Variants in MARCHF8 observed in about 807,000 individuals in gnomAD.
The protein encoded by MARCHF8 is membrane associated ring-CH-type finger 8.
MARCHF8 carries 40 observed loss-of-function variants against 51.6 expected under a neutral mutation model. The ratio of observed to expected loss-of-function variants is 0.77; its 90% CI spans 0.60 to 1.01. The LOEUF is 1.01. Ranked by LOEUF, MARCHF8 falls within the 50% of genes least tolerant of loss-of-function variation. The probability of loss-of-function intolerance (pLI) is 0.00; values close to 1 mark genes in which losing one functional copy is unlikely to be tolerated. For missense variants in MARCHF8, 685 were observed against 708.6 expected, an observed-to-expected ratio of 0.97 and a Z score of 0.38; for synonymous variants, 263 against 280.3, an observed-to-expected ratio of 0.94 and a Z score of 0.62.
chr10:45,508,450 A>T (rs1309026365), intron 2 of MARCHF8, among the ~76,000 whole-genome samples: 2 of 152,064 alleles, frequency 1.3e-5, no homozygotes, highest in Non-Finnish European at 2.9e-5. Context: ...TGTCATGATT[A>T]GTTTCTATTT....
At chr10:45,461,136 G>A in intron 6 of MARCHF8, 95 bp downstream of exon 6, 1 of 948,378 alleles carries the variant, frequency 1.1e-6, no homozygotes, top group Non-Finnish European at 1.5e-6. Flanking sequence ...TTAAGGAAAT[G>A]AACGCAGGCA....
In MARCHF8 at chr10:45,518,854, TG is replaced by T. The variant is rs552267890; in HGVS notation, c.102+14255del. On this transcript the variant is annotated intron_variant, in intron 2 of 7. Coordinates refer to ENST00000453424, the MANE Select transcript of MARCHF8 (RefSeq NM_001282866.2). ...GCTACCAGCATCCTATCATTGCTCTTGGCCAGAATGGCTCTAATAAAGCATG... is the reference window on the plus strand; with the variant it reads ...GCTACCAGCATCCTATCATTGCTCTTGCCAGAATGGCTCTAATAAAGCATG... 4.4e-3 allele frequency among the ~76,000 whole-genome samples: 674 copies of T among 152,338 alleles called. 1 individual carries two copies. Among genetic ancestry groups the T allele is most frequent in the Non-Finnish European group, 7.3e-3 (495 of 68,034 alleles).
At chr10:45,577,517 T>C (rs753205097) in intron 1 of MARCHF8, among the ~76,000 whole-genome samples, 5 of 152,026 alleles carry the variant, frequency 3.3e-5, no homozygotes, top group Non-Finnish European at 7.4e-5. Context: ...CCCACAAAAA[T>C]TAAAAATTAA....
intron 2 of MARCHF8, among the ~76,000 whole-genome samples, chr10:45,495,661 T>G (rs1265879075): frequency 1.3e-5 from 2 of 148,874 alleles, no homozygotes; most frequent in Non-Finnish European, 3.0e-5. Flanking sequence ...CTAGGAGGAG[T>G]TTTATGGCCA....
At chr10:45,548,523 T>C (rs530079559) in intron 1 of MARCHF8, among the ~76,000 whole-genome samples, 1 of 152,286 alleles carries the variant, frequency 6.6e-6, no homozygotes, top group East Asian at 1.9e-4. Context: ...ATTTTGCATC[T>C]CAGGGAAATT....
Position 45,455,530 on chromosome 10 carries a change from C to G in MARCHF8, c.*2709G>C, listed in dbSNP as rs1379017217. Reference sequence around the variant, plus strand: ...ACCAAATGCCATCCTTTCACTAAACCCAGGTGCAAAATGGGGGGGGAAGGG... The same window carrying G: ...ACCAAATGCCATCCTTTCACTAAACGCAGGTGCAAAATGGGGGGGGAAGGG... On this transcript the variant is annotated 3_prime_UTR_variant, in exon 8 of 8. Coordinates refer to ENST00000453424, the MANE Select transcript of MARCHF8 (RefSeq NM_001282866.2). 2.0e-5 allele frequency: 3 copies of G among 151,258 alleles called. No individual in the cohort carries two copies. Among genetic ancestry groups the G allele is most frequent in the Admixed American group, 2.0e-4 (3 of 15,180 alleles). 9.4% of individuals were successfully genotyped at this position (151,258 alleles called of 1,614,324 possible). A position where few individuals can be genotyped will look rare whatever the true frequency, so the allele number is the denominator to read the frequency against.
At chr10:45,570,771 G>C (rs1362740653) in intron 1 of MARCHF8, among the ~76,000 whole-genome samples, 1 of 152,138 alleles carries the variant, frequency 6.6e-6, no homozygotes. Flanking sequence ...AAAGTTGCAG[G>C]ATGGCAGGTC....
intron 3 of MARCHF8, among the ~76,000 whole-genome samples, chr10:45,472,049 G>A (rs563389662): frequency 2.5e-4 from 38 of 152,284 alleles, no homozygotes; most frequent in East Asian, 7.7e-4. Context: ...ACCCTGAGCC[G>A]CGGAGTATAC....
rs371084171 is a variant in MARCHF8 at position 45,484,888 on chromosome 10, C to T, written c.153+4479G>A. On this transcript the variant is annotated intron_variant, in intron 3 of 7. Transcript: ENST00000453424. ...GGATCAGGTTCCAAGTGGCCAGGCC[C>T]AGGTCACCTTAGATGTGACAGCTCA... Among the ~76,000 whole-genome samples, 3 of 152,098 alleles carry T rather than the reference C, an allele frequency of 2.0e-5. No individual in the cohort carries two copies. The South Asian group carries it at 6.2e-4, about 32-fold the overall frequency.
intron 1 of MARCHF8, among the ~76,000 whole-genome samples, chr10:45,582,499 CA>C (rs1054154948): frequency 6.6e-6 from 1 of 151,848 alleles, no homozygotes; most frequent in East Asian, 1.9e-4. Flanking sequence ...AACAGGAGAC[CA>C]AAAAAACCAG....
At position 45,529,864 on chromosome 10, in the gene MARCHF8, T is replaced by C. The variant is rs1381163667; in HGVS notation, c.102+3246A>G. Among the ~76,000 whole-genome samples the C allele has an allele frequency of 2.0e-5, 3 of 152,206 alleles. 1 individual carries two copies. The highest frequency in any genetic ancestry group is 4.1e-4 in the South Asian group (2 of 4,824). ...TGGGAGTGTAAACTAGTACAGCTGCTATGGAAAACAATATGGAGACTTCTC... is the reference window on the plus strand; with the variant it reads ...TGGGAGTGTAAACTAGTACAGCTGCCATGGAAAACAATATGGAGACTTCTC... On this transcript the variant is annotated intron_variant, in intron 2 of 7. Coordinates refer to ENST00000453424, the MANE Select transcript of MARCHF8 (RefSeq NM_001282866.2).
intron 3 of MARCHF8, among the ~76,000 whole-genome samples, chr10:45,483,150 T>A (rs11239536): frequency 0.23 from 35,288 of 152,062 alleles, 4,308 homozygotes; most frequent in Admixed American, 0.3. Flanking sequence ...GGGACTATAT[T>A]AAACTGAAAA....
intron 3 of MARCHF8, among the ~76,000 whole-genome samples, chr10:45,485,193 C>G (rs998982596): frequency 2.0e-5 from 3 of 151,992 alleles, no homozygotes; most frequent in Non-Finnish European, 4.4e-5. Flanking sequence ...TAGGGGTAAA[C>G]AAAGCATGGC....
Position 45,463,405 on chromosome 10 carries a change from A to T in MARCHF8, c.834T>A (p.His278Gln). The change falls in exon 5 of 8, where the codon CAT becomes CAA. Residue 278 changes from histidine to glutamine, a missense_variant. By Grantham distance (24) the His-to-Gln change is conservative. Coordinates refer to ENST00000453424, the MANE Select transcript of MARCHF8 (RefSeq NM_001282866.2). ...GLSASSLHRF[H>Q]ELESCAARLH... ...GGCGAGCAGCGCAGCTCTCCAGCTC[A>T]TGGAACCTGTGCAGGCTGCTGGCGC... is the stretch of plus-strand genomic sequence containing the variant. 1 of 1,550,686 alleles carries T rather than the reference A, an allele frequency of 6.4e-7. No individual in the cohort carries two copies. The highest frequency in any genetic ancestry group is 8.7e-7 in the Non-Finnish European group (1 of 1,147,010).
At chr10:45,549,886 A>T (rs1393900148) in intron 1 of MARCHF8, among the ~76,000 whole-genome samples, 2 of 152,166 alleles carry the variant, frequency 1.3e-5, no homozygotes, top group Admixed American at 6.5e-5. Flanking sequence ...TGAGCCCCTC[A>T]ACCTTGGACT....
At chr10:45,546,009 C>T (rs1032584645) in intron 1 of MARCHF8, among the ~76,000 whole-genome samples, 2 of 152,146 alleles carry the variant, frequency 1.3e-5, no homozygotes, top group Admixed American at 6.5e-5. Context: ...CAGAGAAACA[C>T]CACAAGGTCT....
chr10:45,492,969 T>G (rs34570485), intron 2 of MARCHF8, among the ~76,000 whole-genome samples: 2,058 of 152,346 alleles, frequency 0.014, 23 homozygotes, highest in Middle Eastern at 0.017. Flanking sequence ...TTGAGTGTCA[T>G]GCTGACATTC....
chr10:45,575,899 A>AC (rs1377895170), intron 1 of MARCHF8, among the ~76,000 whole-genome samples: 1 of 151,936 alleles, frequency 6.6e-6, no homozygotes, highest in Admixed American at 6.6e-5. Flanking sequence ...ACACCTTGTG[A>AC]CCCCCACCAA....
In MARCHF8 at chr10:45,461,364, CA is replaced by C. The variant is rs751437773; in HGVS notation, c.1135del (p.Cys379AlafsTer40). ...GAAGTGGAGGCTTCCTGTGCAGTGG[CA>C]GGGGGTGATCAGGGGGCTCTCATCA... ...GDDESPLITP[C>X]HCTGSLHFVH... On this transcript the variant is annotated frameshift_variant, in exon 6 of 8. Coordinates refer to ENST00000453424, the MANE Select transcript of MARCHF8 (RefSeq NM_001282866.2). LOFTEE classifies it high-confidence loss of function. 1 of 1,600,900 alleles carries C rather than the reference CA, an allele frequency of 6.2e-7. No homozygotes were observed. Among genetic ancestry groups the C allele is most frequent in the South Asian group, 1.1e-5 (1 of 89,288 alleles).
Sources: gnomAD v4.1 joint callset for allele counts (sites outside exome capture counted in the v4.1 genomes callset) on GRCh38, gnomAD v4.1.1 for gene constraint, MANE v1.5 for transcripts, NCBI Gene and HGNC (gene_info 2026-07-23, HGNC 2026-07-21) for gene names.